PLXNA4: variants seen among roughly 807,000 people sequenced by gnomAD.
The protein encoded by PLXNA4 is plexin A4, also known as plexin-A4.
PLXNA4 carries 44 observed loss-of-function variants against 191.8 expected under a neutral mutation model. That is an observed-to-expected ratio of 0.23 (90% confidence interval 0.18 to 0.29). The LOEUF (loss-of-function observed/expected upper bound fraction) is 0.29, where lower values mean the gene tolerates loss of function less well. PLXNA4 is among the 10% of genes least tolerant of loss of function. The pLI is 1.00. For missense variants in PLXNA4, 1,800 were observed against 2,488.8 expected (o/e 0.72, Z 5.89); for synonymous variants, 1,082 against 1,009.5 (o/e 1.07, Z -1.36).
intron 3 of PLXNA4, among the ~76,000 whole-genome samples, chr7:132,379,312 C>T (rs1316124395): frequency 6.6e-6 from 1 of 152,144 alleles, no homozygotes; most frequent in Non-Finnish European, 1.5e-5. Flanking sequence ...GGTGATTACA[C>T]CAGGCAGTGT....
intron 3 of PLXNA4, among the ~76,000 whole-genome samples, chr7:132,390,273 T>A (rs569649147): frequency 7.9e-5 from 12 of 152,256 alleles, no homozygotes; most frequent in African/African-American, 2.9e-4. Context: ...TGCAGGGACA[T>A]GGATGATGCT....
intron 3 of PLXNA4, among the ~76,000 whole-genome samples, chr7:132,342,421 T>A (rs1244183008): frequency 6.6e-6 from 1 of 151,960 alleles, no homozygotes; most frequent in East Asian, 1.9e-4. Context: ...TGATTGTTAT[T>A]GTTGTTATTA....
chr7:132,592,327 G>A (rs1802616556), intron 2 of PLXNA4, among the ~76,000 whole-genome samples: 1 of 152,264 alleles, frequency 6.6e-6, no homozygotes, highest in African/African-American at 2.4e-5. Flanking sequence ...GGTGCAGGGA[G>A]AGAAACAGAG....
chr7:132,458,062 T>A (rs959979066), intron 3 of PLXNA4, among the ~76,000 whole-genome samples: 12 of 152,136 alleles, frequency 7.9e-5, no homozygotes, highest in Non-Finnish European at 1.5e-4. Context: ...AACCAACACA[T>A]CGTGTCATTT....
At chr7:132,171,553 T>C (rs1385882173) in intron 21 of PLXNA4, among the ~76,000 whole-genome samples, 2 of 152,096 alleles carry the variant, frequency 1.3e-5, no homozygotes, top group African/African-American at 4.8e-5. Flanking sequence ...CACTATGGCA[T>C]TTAGAGAGGT....
At chr7:132,540,052 C>T (rs529130738) in intron 1 of PLXNA4, among the ~76,000 whole-genome samples, 1 of 152,318 alleles carries the variant, frequency 6.6e-6, no homozygotes, top group East Asian at 1.9e-4. Context: ...TGACTGAGTG[C>T]TCTTGGCTTT....
chr7:132,143,987 C>T (rs1795343413), intron 29 of PLXNA4, among the ~76,000 whole-genome samples: 1 of 152,174 alleles, frequency 6.6e-6, no homozygotes, highest in Admixed American at 6.5e-5. Flanking sequence ...GAGTATACTA[C>T]ATTGAATACA....
At chr7:132,404,670 A>C (rs148074200) in intron 3 of PLXNA4, among the ~76,000 whole-genome samples, 131 of 152,282 alleles carry the variant, frequency 8.6e-4, no homozygotes, top group African/African-American at 3.0e-3. Flanking sequence ...CATGTTATTT[A>C]ACTTTCCCAT....
At chr7:132,421,069 C>G (rs1794834251) in intron 3 of PLXNA4, among the ~76,000 whole-genome samples, 1 of 152,228 alleles carries the variant, frequency 6.6e-6, no homozygotes, top group African/African-American at 2.4e-5. Flanking sequence ...AACTAAAACT[C>G]TGTCCCTGCT....
upstream of PLXNA4, chr7:132,577,233 G>C (rs1473219233): frequency 6.6e-6 from 1 of 150,886 alleles, no homozygotes; most frequent in Non-Finnish European, 1.5e-5. Flanking sequence ...GCAGGGGGCA[G>C]GGAGCGGGGC....
At chr7:132,548,181 G>A (rs188946463) in intron 1 of PLXNA4, among the ~76,000 whole-genome samples, 1 of 152,266 alleles carries the variant, frequency 6.6e-6, no homozygotes, top group East Asian at 1.9e-4. Context: ...TTTGTGAGGG[G>A]TTTGGAGAGT....
chr7:132,458,595 A>G (rs558656026), intron 3 of PLXNA4, among the ~76,000 whole-genome samples: 1 of 151,718 alleles, frequency 6.6e-6, no homozygotes, highest in South Asian at 2.1e-4. Context: ...TTCCAGGCAC[A>G]TCAAGCAGAA....
At chr7:132,173,230 G>A (rs563697708) in intron 21 of PLXNA4, among the ~76,000 whole-genome samples, 1 of 152,290 alleles carries the variant, frequency 6.6e-6, no homozygotes, top group East Asian at 1.9e-4. Flanking sequence ...ACGAAGGTGA[G>A]GCTGGAGAAA....
At chr7:132,389,373 T>C (rs147291236) in intron 3 of PLXNA4, among the ~76,000 whole-genome samples, 2,046 of 152,304 alleles carry the variant, frequency 0.013, 45 homozygotes, top group African/African-American at 0.047. Flanking sequence ...ATTGCCTAGG[T>C]TTTCTTCTAG....
chr7:132,306,470 C>T (rs1801527093), intron 3 of PLXNA4, among the ~76,000 whole-genome samples: 1 of 152,132 alleles, frequency 6.6e-6, no homozygotes, highest in African/African-American at 2.4e-5. Context: ...GTATCTCTGG[C>T]ACACAACAGC....
At chr7:132,514,797 T>C (rs1204875183) in intron 1 of PLXNA4, among the ~76,000 whole-genome samples, 1 of 131,664 alleles carries the variant, frequency 7.6e-6, no homozygotes, top group Non-Finnish European at 1.6e-5. Context: ...TCTCTGTGTC[T>C]CTATGCACAC....
At chr7:132,612,940 T>C (rs958912395) in intron 2 of PLXNA4, among the ~76,000 whole-genome samples, 1 of 152,064 alleles carries the variant, frequency 6.6e-6, no homozygotes, top group Non-Finnish European at 1.5e-5. Context: ...CGTAAGAATA[T>C]ATATACATTT....
chr7:132,628,557 CT>C (rs1585415374), intron 2 of PLXNA4, among the ~76,000 whole-genome samples: 1 of 150,476 alleles, frequency 6.6e-6, no homozygotes. Flanking sequence ...AAAATGTCCT[CT>C]CTCTCTCTCC....
Position 132,474,203 on chromosome 7 carries a change from ATCTC to A in PLXNA4, c.1371+15085_1371+15088del, listed in dbSNP as rs1219634770. Among the ~76,000 whole-genome samples, 11 of 131,774 alleles carry A rather than the reference ATCTC, an allele frequency of 8.3e-5. No individual in the cohort carries two copies. In the East Asian group the frequency reaches 2.3e-3, roughly 27 times the overall value. The allele number at this position is 131,774 out of a possible 152,430, so 86.4% of individuals were successfully genotyped here. A position where few individuals can be genotyped will look rare whatever the true frequency, so the allele number is the denominator to read the frequency against. ...ACCCACAGGGCTGAGCCAAGATCAG[ATCTC>A]TCTGTCTCACACACACACACACACA... On this transcript the variant is annotated intron_variant, in intron 3 of 31. Transcript: ENST00000321063.
Sources: gnomAD v4.1 joint callset for allele counts (sites outside exome capture counted in the v4.1 genomes callset) on GRCh38, gnomAD v4.1.1 for gene constraint, MANE v1.5 for transcripts, NCBI Gene and HGNC (gene_info 2026-07-23, HGNC 2026-07-21) for gene names.